The following ADAMTSL3 variants were observed in gnomAD, a reference collection of about 807,000 sequenced individuals.
The protein encoded by ADAMTSL3 is ADAMTS like 3, also known as ADAMTS-like protein 3.
ADAMTSL3 carries 128 observed loss-of-function variants against 201.7 expected under a neutral mutation model. The observed-to-expected ratio is 0.63, with a 90% CI of 0.55 to 0.73. The LOEUF (loss-of-function observed/expected upper bound fraction) is 0.73, where lower values mean the gene tolerates loss of function less well. Ranked by LOEUF, ADAMTSL3 falls within the 30% of genes least tolerant of loss-of-function variation. The probability of loss-of-function intolerance (pLI) is 0.00; values close to 1 mark genes in which losing one functional copy is unlikely to be tolerated. For missense variants in ADAMTSL3, 1,990 were observed against 2,119.6 expected (o/e 0.94, Z 1.20); for synonymous variants, 738 against 748.4 (o/e 0.99, Z 0.23).
chr15:83,841,384 G>A (rs942575732), intron 7 of ADAMTSL3, among the ~76,000 whole-genome samples: 15 of 152,262 alleles, frequency 9.9e-5, no homozygotes, highest in African/African-American at 2.4e-4. Flanking sequence ...GTCCGGAGCC[G>A]CCAGCCTTCC....
intron 6 of ADAMTSL3, among the ~76,000 whole-genome samples, chr15:83,821,396 G>T (rs371869515): frequency 1.4e-4 from 20 of 145,972 alleles, no homozygotes; most frequent in Non-Finnish European, 1.5e-4. Context: ...GCGGCCTTCC[G>T]CAGTGTTTGT....
chr15:83,946,603 A>G (rs1366533991), intron 19 of ADAMTSL3, among the ~76,000 whole-genome samples: 2 of 152,216 alleles, frequency 1.3e-5, no homozygotes, highest in Non-Finnish European at 2.9e-5. Context: ...AGTAAATACT[A>G]TTCCTCAACA....
chr15:83,695,253 T>TGTGTATGTA (rs2061671455), intron 2 of ADAMTSL3, among the ~76,000 whole-genome samples: 2 of 53,850 alleles, frequency 3.7e-5, no homozygotes, highest in Non-Finnish European at 8.5e-5. Flanking sequence ...TGTGTGTGTG[T>TGTGTATGTA]GTGTGTGTGG....
rs1170088950 is a variant in ADAMTSL3, at chr15:84,021,598, G to C, written c.4457+5G>C. The stretch of plus-strand genomic sequence containing the variant: ...CATCCGGGACTGCCCAGCGAGGTAA[G>C]TGAAGTCACTCTTTGTATCTCATCA... On this transcript the variant is annotated splice_donor_5th_base_variant and intron_variant, in intron 26 of 29. Transcript: ENST00000286744. 6.2e-7 allele frequency: 1 copy of C among 1,613,246 alleles called. No homozygotes were observed. The highest frequency in any genetic ancestry group is 1.1e-5 in the South Asian group (1 of 91,022).
At chr15:83,704,203 G>A (rs936414446) in intron 2 of ADAMTSL3, among the ~76,000 whole-genome samples, 186 bp from the exon 3 acceptor site, 2 of 152,118 alleles carry the variant, frequency 1.3e-5, no homozygotes, top group Admixed American at 1.3e-4. Context: ...GTGATATCCT[G>A]GCCTAACAGT....
At chr15:83,655,280 C>G (rs1171003122) in intron 1 of ADAMTSL3, among the ~76,000 whole-genome samples, 1 of 152,182 alleles carries the variant, frequency 6.6e-6, no homozygotes, top group Non-Finnish European at 1.5e-5. Flanking sequence ...TGCGTTTCAG[C>G]CCTAAAATGT....
chr15:84,006,950 T>C (rs2067906220), intron 23 of ADAMTSL3, among the ~76,000 whole-genome samples: 1 of 151,812 alleles, frequency 6.6e-6, no homozygotes, highest in Admixed American at 6.6e-5. Flanking sequence ...TGTCCAGGAG[T>C]CTTGAATTCA....
At chr15:83,759,892 AG>A (rs1285346058) in intron 3 of ADAMTSL3, among the ~76,000 whole-genome samples, 1 of 152,202 alleles carries the variant, frequency 6.6e-6, no homozygotes, top group African/African-American at 2.4e-5. Context: ...TTACCATTTT[AG>A]GGCCTACAGA....
At chr15:83,703,481 G>A (rs1294922854) in intron 2 of ADAMTSL3, among the ~76,000 whole-genome samples, 2 of 152,028 alleles carry the variant, frequency 1.3e-5, no homozygotes, top group East Asian at 1.9e-4. Flanking sequence ...GGAGGGACCC[G>A]GTGGGAGATA....
At chr15:84,018,428 A>G (rs1398246788) in intron 25 of ADAMTSL3, among the ~76,000 whole-genome samples, 1 of 152,210 alleles carries the variant, frequency 6.6e-6, no homozygotes, top group East Asian at 1.9e-4. Flanking sequence ...TGCACAAGAA[A>G]CCAGTAAACA....
intron 2 of ADAMTSL3, among the ~76,000 whole-genome samples, chr15:83,666,913 T>C (rs2061255238): frequency 6.6e-6 from 1 of 152,008 alleles, no homozygotes; most frequent in African/African-American, 2.4e-5. Context: ...CATTTTTCTA[T>C]GAGAATCTTA....
intron 7 of ADAMTSL3, among the ~76,000 whole-genome samples, chr15:83,841,568 T>C (rs2064374305): frequency 6.6e-6 from 1 of 152,146 alleles, no homozygotes; most frequent in Non-Finnish European, 1.5e-5. Context: ...CCAAATAGCG[T>C]AGTAACTAGA....
chr15:83,763,793 C>T (rs1318985234), intron 3 of ADAMTSL3, among the ~76,000 whole-genome samples: 2 of 152,270 alleles, frequency 1.3e-5, no homozygotes, highest in East Asian at 3.8e-4. Context: ...GCGTGAGCCA[C>T]CGCACCCGGC....
intron 6 of ADAMTSL3, among the ~76,000 whole-genome samples, chr15:83,837,059 A>C (rs7179011): frequency 0.036 from 5,469 of 152,326 alleles, 310 homozygotes; most frequent in African/African-American, 0.13. Flanking sequence ...AGCTTATAAT[A>C]TAGCAAATAC....
chr15:83,729,376 A>G (rs2062229975), intron 3 of ADAMTSL3, among the ~76,000 whole-genome samples: 2 of 151,760 alleles, frequency 1.3e-5, no homozygotes, highest in African/African-American at 4.8e-5. Context: ...TCTCTTTAAC[A>G]CCAATAACTC....
intron 5 of ADAMTSL3, among the ~76,000 whole-genome samples, chr15:83,812,126 G>A (rs940341567): frequency 6.6e-6 from 1 of 152,208 alleles, no homozygotes; most frequent in Non-Finnish European, 1.5e-5. Flanking sequence ...GAATATGGTT[G>A]TATCTTTTTT....
At chr15:83,661,749 A>T (rs1195755482) in intron 2 of ADAMTSL3, among the ~76,000 whole-genome samples, 1 of 151,798 alleles carries the variant, frequency 6.6e-6, no homozygotes, top group African/African-American at 2.4e-5. Flanking sequence ...AACCCCATCA[A>T]AAAGTGGGCA....
intron 3 of ADAMTSL3, among the ~76,000 whole-genome samples, chr15:83,733,278 C>A (rs1307738285): frequency 6.6e-6 from 1 of 152,142 alleles, no homozygotes; most frequent in East Asian, 1.9e-4. Context: ...GGCCAGAGCC[C>A]AGCAGGGGAA....
At chr15:83,866,278 T>C (rs1390057261) in intron 8 of ADAMTSL3, among the ~76,000 whole-genome samples, 3 of 152,228 alleles carry the variant, frequency 2.0e-5, no homozygotes, top group Non-Finnish European at 4.4e-5. Flanking sequence ...CAAAGGATTA[T>C]AAATCATGCT....
Sources: allele counts gnomAD v4.1 joint callset (sites outside exome capture counted in the v4.1 genomes callset), GRCh38; gene constraint gnomAD v4.1.1; transcripts MANE v1.5; gene names NCBI Gene and HGNC (gene_info 2026-07-23, HGNC 2026-07-21).